TDRD9: variants seen among roughly 807,000 people sequenced by gnomAD.
TDRD9 encodes ATP-dependent RNA helicase TDRD9.
In TDRD9, 124 loss-of-function variants were observed where a neutral mutation model predicts 172.6. That is an observed-to-expected ratio of 0.72 (90% CI 0.62 to 0.83). TDRD9 has a LOEUF of 0.83. TDRD9 is among the 40% of genes least tolerant of loss of function. The probability of loss-of-function intolerance (pLI) is 0.00; values close to 1 mark genes in which losing one functional copy is unlikely to be tolerated. For synonymous variants in TDRD9, 619 were observed against 617.1 expected (o/e 1.00, Z -0.05); for missense variants, 1,479 against 1,714.1 (o/e 0.86, Z 2.42).
chr14:103,988,319 A>G (rs1359780918), intron 8 of TDRD9, among the ~76,000 whole-genome samples: 1 of 152,046 alleles, frequency 6.6e-6, no homozygotes, highest in African/African-American at 2.4e-5. Flanking sequence ...GACTACAGGC[A>G]TGTGTCGCCA....
intron 14 of TDRD9, among the ~76,000 whole-genome samples, chr14:104,004,595 A>G (rs892478614): frequency 6.6e-6 from 1 of 151,972 alleles, no homozygotes; most frequent in African/African-American, 2.4e-5. Flanking sequence ...GGCCAGACTG[A>G]TCTCGAACTC....
chr14:104,034,731 A>T (rs1437763943), intron 31 of TDRD9, among the ~76,000 whole-genome samples: 1 of 152,222 alleles, frequency 6.6e-6, no homozygotes, highest in Non-Finnish European at 1.5e-5. Context: ...AATAGGAGTT[A>T]TCCCCAAGTG....
chr14:104,028,995 C>T (rs577736260), intron 28 of TDRD9, among the ~76,000 whole-genome samples: 45 of 152,216 alleles, frequency 3.0e-4, no homozygotes, highest in South Asian at 1.7e-3. Flanking sequence ...CCTGTAAATG[C>T]GTGGCTTTAT....
chr14:103,970,488 T>C (rs76660542), intron 5 of TDRD9, 53 bp from the exon 6 acceptor site: 1 of 1,323,400 alleles, frequency 7.6e-7, no homozygotes, highest in East Asian at 2.5e-5. Flanking sequence ...GTCAGCAGTG[T>C]CATGTGTGTT....
Position 103,966,792 on chromosome 14 carries a change from C to T in TDRD9, c.726C>T (p.Ala242=). ...TCCTGCTTCAGAAAATAGTTAGTGC[C>T]AAGAGTTTGATGGAATTCACACATA... ...TGVLLQKIVS[A]KSLMEFTHII... The change falls in exon 5 of 36, where the codon GCC becomes GCT. Residue 242 remains alanine (A), a synonymous_variant. Coordinates refer to ENST00000409874, the MANE Select transcript of TDRD9 (RefSeq NM_153046.3). 6.4e-7 allele frequency: 1 copy of T among 1,550,840 alleles called. No homozygotes were observed. The highest frequency in any genetic ancestry group is 1.4e-5 in the African/African-American group (1 of 73,022).
At chr14:104,007,278 A>G (rs1305120835) in intron 19 of TDRD9, 74 bp downstream of exon 19, 49 of 1,434,936 alleles carry the variant, frequency 3.4e-5, no homozygotes, top group Non-Finnish European at 4.4e-5. Context: ...TGGTACAGTC[A>G]TAGCGTGTGA....
chr14:103,976,244 A>T (rs980062579), intron 7 of TDRD9, among the ~76,000 whole-genome samples: 1 of 151,502 alleles, frequency 6.6e-6, no homozygotes, highest in African/African-American at 2.4e-5. Context: ...GTGTGTATAT[A>T]CTATATTTTC....
chr14:104,027,629 G>A (rs1181742242), intron 28 of TDRD9, among the ~76,000 whole-genome samples: 1 of 152,118 alleles, frequency 6.6e-6, no homozygotes, highest in East Asian at 1.9e-4. Context: ...TTTGATATGT[G>A]TATATAATGT....
rs1354196439 is a variant in TDRD9 at position 103,938,438 on chromosome 14, A to ATTTTTTT, written c.215+9715_215+9716insTTTTTTT. Among the ~76,000 whole-genome samples, 254 of 41,722 alleles carry ATTTTTTT rather than the reference A, an allele frequency of 6.1e-3. 7 individuals carry two copies. The highest frequency in any genetic ancestry group is 8.5e-3 in the East Asian group (10 of 1,170). The allele number at this position is 41,722 out of a possible 152,430, so 27.4% of individuals were successfully genotyped here. ...TGTATATATATATATATATATATAT[A>ATTTTTTT]TATTTTTTTTTTTTTTTTGAGATGG... On this transcript the variant is annotated intron_variant, in intron 1 of 35. Coordinates refer to ENST00000409874, the MANE Select transcript of TDRD9 (RefSeq NM_153046.3).
chr14:103,981,774 T>C (rs1027791415), intron 7 of TDRD9, among the ~76,000 whole-genome samples: 3 of 152,230 alleles, frequency 2.0e-5, no homozygotes, highest in Non-Finnish European at 2.9e-5. Flanking sequence ...ATGTAACTTA[T>C]TGAATACTGC....
chr14:103,998,781 C>A (rs1211880868), intron 13 of TDRD9, 53 bp downstream of exon 13: 23 of 846,018 alleles, frequency 2.7e-5, no homozygotes, highest in Non-Finnish European at 3.5e-5. Context: ...CACAGTGGCA[C>A]ATTCAGGTGC....
intron 4 of TDRD9, 47 bp from the exon 5 acceptor site, chr14:103,966,662 C>CT (rs770536543): frequency 2.2e-4 from 312 of 1,446,364 alleles, no homozygotes; most frequent in South Asian, 6.9e-4. Flanking sequence ...ATGGACATAA[C>CT]TTTTTTTTTC....
rs1296860692 is a variant in TDRD9, at chr14:103,947,288, GT to G, written c.216-8368del. On this transcript the variant is annotated intron_variant, in intron 1 of 35. Transcript: ENST00000409874. ...CCAATTAAGGGGAAAAGGACAGTTTGTTTTTTTTGTTTGTTTGTTTGTTTTG... is the reference window on the plus strand; with the variant it reads ...CCAATTAAGGGGAAAAGGACAGTTTGTTTTTTTGTTTGTTTGTTTGTTTTG... Among the ~76,000 whole-genome samples the G allele has an allele frequency of 5.3e-5, 8 of 150,030 alleles. No homozygotes were observed. The East Asian group carries it at 9.8e-4, about 18-fold the overall frequency.
Position 103,963,168 on chromosome 14 carries a change from A to G in TDRD9, c.412A>G (p.Lys138Glu), listed in dbSNP as rs2032589669. ...KYPDLPISRY[K>E]EEVVSLIESN... Reference sequence around the variant, plus strand: ...TCCTGATTTGCCTATAAGTCGATACAAGGAAGAGGTAAAATTGTTTTGTTA... The same window carrying G: ...TCCTGATTTGCCTATAAGTCGATACGAGGAAGAGGTAAAATTGTTTTGTTA... The change falls in exon 3 of 36, where the codon AAG (lysine) becomes GAG (glutamate). Residue 138 changes from lysine to glutamate, a missense_variant. Lys to Glu is a moderately conservative substitution (Grantham distance 56). This residue lies in a region of TDRD9 where 1,413 missense variants were observed against 1,649.1 expected (regional missense o/e 0.86). Transcript: ENST00000409874. 1 of 1,545,702 alleles carries G rather than the reference A, an allele frequency of 6.5e-7. No individual in the cohort carries two copies. Among genetic ancestry groups the G allele is most frequent in the African/African-American group, 1.4e-5 (1 of 72,838 alleles).
At chr14:103,995,835 G>T (rs1246353256) in intron 12 of TDRD9, 28 bp downstream of exon 12, 2 of 1,582,340 alleles carry the variant, frequency 1.3e-6, no homozygotes, top group Non-Finnish European at 1.7e-6. Flanking sequence ...TTACCTCCTG[G>T]CATTAGCTGT....
intron 30 of TDRD9, among the ~76,000 whole-genome samples, chr14:104,033,231 TC>T (rs1200880037): frequency 6.6e-6 from 1 of 152,174 alleles, no homozygotes; most frequent in African/African-American, 2.4e-5. Context: ...GATGCCCAGG[TC>T]CCCTAGGGCC....
In TDRD9 at chr14:103,992,995, G is replaced by A. The variant is rs2033929594; in HGVS notation, c.1181-1337G>A. ...TCTATTTTATTTATTTTTTAAGAAA[G>A]GGTCTTGCTGTGTTCCCCAGGCTGG... On this transcript the variant is annotated intron_variant, in intron 9 of 35. Coordinates refer to ENST00000409874, the MANE Select transcript of TDRD9 (RefSeq NM_153046.3). Among the ~76,000 whole-genome samples the A allele has an allele frequency of 2.7e-5, 4 of 150,342 alleles. No individual in the cohort carries two copies. The South Asian group carries it at 8.4e-4, about 32-fold the overall frequency.
chr14:104,036,544 C>T (rs990126348), intron 32 of TDRD9, among the ~76,000 whole-genome samples: 2 of 152,150 alleles, frequency 1.3e-5, no homozygotes, highest in East Asian at 1.9e-4. Flanking sequence ...GCACTTTGGA[C>T]GCCCTGCTTG....
At chr14:103,939,027 G>A (rs554512677) in intron 1 of TDRD9, among the ~76,000 whole-genome samples, 2 of 151,884 alleles carry the variant, frequency 1.3e-5, no homozygotes, top group South Asian at 2.1e-4. Context: ...ATTGCATGTG[G>A]GTGACTTAGA....
Sources: gnomAD v4.1 joint callset for allele counts (sites outside exome capture counted in the v4.1 genomes callset) on GRCh38, gnomAD v4.1.1 for gene constraint, gnomAD v4.1.1 regional missense constraint, MANE v1.5 for transcripts, NCBI Gene and HGNC (gene_info 2026-07-23, HGNC 2026-07-21) for gene names.